The following NCOA2 variants were observed in gnomAD, a reference collection of about 807,000 sequenced individuals.
NCOA2 encodes class E basic helix-loop-helix protein 75.
Under a neutral mutation model 145.1 loss-of-function variants are expected in NCOA2, and 21 were observed. That is an observed-to-expected ratio of 0.14 (90% CI 0.10 to 0.21). The LOEUF is 0.21. Among genes scored for constraint, NCOA2 ranks in the 10% least tolerant of loss-of-function variants. NCOA2 has a pLI of 1.00. For missense variants in NCOA2, 1,472 were observed against 1,837.6 expected, an observed-to-expected ratio of 0.80 and a Z score of 3.64; for synonymous variants, 619 against 637.5, an observed-to-expected ratio of 0.97 and a Z score of 0.44.
chr8:70,192,237 C>T (rs1816771917), intron 4 of NCOA2, among the ~76,000 whole-genome samples: 1 of 152,120 alleles, frequency 6.6e-6, no homozygotes, highest in African/African-American at 2.4e-5. Flanking sequence ...ATTACAGTAA[C>T]AATCCTTACT....
chr8:70,125,726 G>A (rs1161503025), intron 19 of NCOA2, among the ~76,000 whole-genome samples: 2 of 152,120 alleles, frequency 1.3e-5, no homozygotes, highest in Non-Finnish European at 2.9e-5. Flanking sequence ...TTTATAAAGA[G>A]CTCTGTGGTA....
the NCOA2 span, among the ~76,000 whole-genome samples, chr8:70,455,968 A>G: frequency 6.6e-6 from 1 of 151,872 alleles, no homozygotes; most frequent in African/African-American, 2.4e-5. Flanking sequence ...TAATATTTAT[A>G]TTTAGTTTCT....
chr8:70,261,203 A>T (rs929268662), intron 2 of NCOA2, among the ~76,000 whole-genome samples: 10 of 152,244 alleles, frequency 6.6e-5, no homozygotes, highest in African/African-American at 2.4e-4. Context: ...GAACCAACCC[A>T]AATGTCCAAC....
At chr8:70,421,072 CT>C in the NCOA2 span, among the ~76,000 whole-genome samples, 1 of 152,014 alleles carries the variant, frequency 6.6e-6, no homozygotes, top group Non-Finnish European at 1.5e-5. Flanking sequence ...GTCAGAGATT[CT>C]AACAAATGCT....
chr8:70,349,116 C>T (rs986887681), intron 1 of NCOA2, among the ~76,000 whole-genome samples: 3 of 152,020 alleles, frequency 2.0e-5, no homozygotes, highest in African/African-American at 7.2e-5. Flanking sequence ...TGGAAGTTCA[C>T]TGGAGCCTGT....
chr8:70,177,333 A>ATTT (rs1226627227), intron 4 of NCOA2, among the ~76,000 whole-genome samples: 1 of 152,164 alleles, frequency 6.6e-6, no homozygotes, highest in East Asian at 1.9e-4. Flanking sequence ...AGTCCACAAA[A>ATTT]GAGTAGGCTA....
At chr8:70,396,575 C>T (rs1813692906) in intron 1 of NCOA2, among the ~76,000 whole-genome samples, 2 of 152,326 alleles carry the variant, frequency 1.3e-5, no homozygotes, top group South Asian at 4.1e-4. Context: ...AACTATTTTA[C>T]TTCACCCATA....
chr8:70,455,235 T>C, the NCOA2 span, among the ~76,000 whole-genome samples: 1 of 152,226 alleles, frequency 6.6e-6, no homozygotes, highest in Non-Finnish European at 1.5e-5. Flanking sequence ...TTCTTTATAA[T>C]GTGTAAGTGT....
chr8:70,195,932 A>C (rs1817255147), intron 4 of NCOA2, among the ~76,000 whole-genome samples: 2 of 152,242 alleles, frequency 1.3e-5, no homozygotes, highest in South Asian at 4.1e-4. Flanking sequence ...CAGAAGGAAC[A>C]GCATTATAGG....
rs1806637578 is a variant in NCOA2, at chr8:70,112,604, A to G, written c.*1028T>C. 9.8e-6 allele frequency: 2 copies of G among 204,242 alleles called. No individual in the cohort carries two copies. Among genetic ancestry groups the G allele is most frequent in the African/African-American group, 4.6e-5 (2 of 43,626 alleles). The allele number at this position is 204,242 out of a possible 1,614,324, so 12.7% of individuals were successfully genotyped here. A position where few individuals can be genotyped will look rare whatever the true frequency, so the allele number is the denominator to read the frequency against. ...AGCAGGTATCCTTAGCTCGATTGGT[A>G]TCAAGCCTTAACTTTGCTCTTCTCC... On this transcript the variant is annotated 3_prime_UTR_variant, in exon 23 of 23. Coordinates refer to ENST00000452400, the MANE Select transcript of NCOA2 (RefSeq NM_006540.4).
chr8:70,349,709 T>C (rs1298787143), intron 1 of NCOA2, among the ~76,000 whole-genome samples: 1 of 152,086 alleles, frequency 6.6e-6, no homozygotes, highest in East Asian at 1.9e-4. Context: ...TTTTTTCAAA[T>C]AGGAAAAAAT....
chr8:70,233,289 A>G (rs1034649915), intron 2 of NCOA2, among the ~76,000 whole-genome samples: 6 of 152,192 alleles, frequency 3.9e-5, no homozygotes, highest in African/African-American at 1.4e-4. Context: ...GGTCTACAGA[A>G]GCATTCTATA....
At chr8:70,205,214 A>G (rs1421484808) in intron 4 of NCOA2, among the ~76,000 whole-genome samples, 1 of 152,190 alleles carries the variant, frequency 6.6e-6, no homozygotes, top group Admixed American at 6.6e-5. Flanking sequence ...GTGAAAAAAA[A>G]AGCAGTGTTT....
chr8:70,307,657 G>A (rs1199380412), intron 1 of NCOA2, among the ~76,000 whole-genome samples: 2 of 152,170 alleles, frequency 1.3e-5, no homozygotes, highest in African/African-American at 2.4e-5. Flanking sequence ...GTCAAATCTT[G>A]AGAGGGAAAG....
intron 1 of NCOA2, among the ~76,000 whole-genome samples, chr8:70,321,495 T>C (rs548409637): frequency 1.3e-5 from 2 of 152,054 alleles, no homozygotes; most frequent in Non-Finnish European, 2.9e-5. Context: ...TTGTAACCCA[T>C]AAGTATGTAA....
At chr8:70,349,562 G>C (rs982586012) in intron 1 of NCOA2, among the ~76,000 whole-genome samples, 5 of 151,996 alleles carry the variant, frequency 3.3e-5, no homozygotes, top group Non-Finnish European at 7.4e-5. Flanking sequence ...TCCTTCACCT[G>C]ATAAAAAGTA....
Position 70,128,966 on chromosome 8 carries a change from A to T in NCOA2, c.3339T>A (p.Asp1113Glu). ...AATCCTGACTTGAGAACTGTTCTGG[A>T]TCTACTGCTTGGCTCTGGAGAGAAA... ...PELVSQSQAV[D>E]PEQFSSQDSN... is the part of the protein sequence containing the mutation. The change falls in exon 17 of 23, where the codon GAT becomes GAA. Residue 1113 changes from aspartate to glutamate, a missense_variant. By Grantham distance (45) the Asp-to-Glu change is conservative. This residue lies in a region of NCOA2 where 953 missense variants were observed against 1,062.1 expected (regional missense o/e 0.90). Coordinates refer to ENST00000452400, the MANE Select transcript of NCOA2 (RefSeq NM_006540.4). 6.2e-7 allele frequency: 1 copy of T among 1,603,368 alleles called. No homozygotes were observed. The highest frequency in any genetic ancestry group is 1.3e-5 in the African/African-American group (1 of 74,890).
At chr8:70,246,791 A>T (rs946112343) in intron 2 of NCOA2, among the ~76,000 whole-genome samples, 1 of 152,160 alleles carries the variant, frequency 6.6e-6, no homozygotes, top group Non-Finnish European at 1.5e-5. Flanking sequence ...TAGATACCTC[A>T]TATAAGTGGA....
intron 2 of NCOA2, among the ~76,000 whole-genome samples, chr8:70,224,910 C>T (rs1483350077): frequency 1.3e-5 from 2 of 151,928 alleles, no homozygotes; most frequent in Non-Finnish European, 2.9e-5. Context: ...GCCCCACTCC[C>T]TGCCCCGCTC....
Sources: gnomAD v4.1 joint callset for allele counts (sites outside exome capture counted in the v4.1 genomes callset) on GRCh38, gnomAD v4.1.1 for gene constraint, gnomAD v4.1.1 regional missense constraint, MANE v1.5 for transcripts, NCBI Gene and HGNC (gene_info 2026-07-23, HGNC 2026-07-21) for gene names.